Variants in DNAJB4 observed in about 807,000 individuals in gnomAD.
DNAJB4 encodes the protein DnaJ heat shock protein family (Hsp40) member B4, also known as dnaJ homolog subfamily B member 4.
A neutral mutation model predicts 26.6 loss-of-function variants in DNAJB4; 10 were observed. That is an observed-to-expected ratio of 0.38 (90% CI 0.23 to 0.64). DNAJB4 has a LOEUF of 0.64. Among genes scored for constraint, DNAJB4 ranks in the 30% least tolerant of loss-of-function variants. The probability of loss-of-function intolerance (pLI) is 0.58; values close to 1 mark genes in which losing one functional copy is unlikely to be tolerated. For synonymous variants in DNAJB4, 136 were observed against 134.8 expected (o/e 1.01, Z -0.06); for missense variants, 328 against 408.2 (o/e 0.80, Z 1.69).
chr1:78,016,199 ATCT>A lies in DNAJB4; in HGVS notation c.972_974del (p.Ser326del), dbSNP rs773938025. On this transcript the variant is annotated inframe_deletion, in exon 3 of 3. Coordinates refer to ENST00000370763, the MANE Select transcript of DNAJB4 (RefSeq NM_007034.5). ...TTGAGGTGTCCTTCCCAGATACTAT[ATCT>A]TCTTCATCCAAAGAAGTACTTAGGA... 1.2e-6 allele frequency: 2 copies of A among 1,614,154 alleles called. No homozygotes were observed. The highest frequency in any genetic ancestry group is 1.7e-5 in the Admixed American group (1 of 60,022).
At chr1:77,993,898 A>G (rs981865512) in intron 1 of DNAJB4, among the ~76,000 whole-genome samples, 4 of 152,324 alleles carry the variant, frequency 2.6e-5, no homozygotes, top group Admixed American at 2.0e-4. Context: ...TAGGTAGTCA[A>G]TGGCTGAATT....
intron 1 of DNAJB4, among the ~76,000 whole-genome samples, chr1:77,991,498 C>T (rs902311405): frequency 1.3e-5 from 2 of 152,072 alleles, no homozygotes; most frequent in African/African-American, 4.8e-5. Context: ...TGTAATCCCA[C>T]CACCTTGGGA....
intron 1 of DNAJB4, among the ~76,000 whole-genome samples, chr1:77,988,502 A>G (rs891735506): frequency 2.6e-5 from 4 of 151,888 alleles, no homozygotes; most frequent in Admixed American, 1.3e-4. Context: ...CCATCTTTCA[A>G]CCCCTTCACC....
chr1:78,013,983 AAAT>A (rs1345183199), intron 2 of DNAJB4, among the ~76,000 whole-genome samples: 2 of 152,200 alleles, frequency 1.3e-5, no homozygotes, highest in East Asian at 1.9e-4. Context: ...GATTAGAAGA[AAAT>A]AATTTATAAT....
At chr1:77,985,068 A>C (rs77589019) in intron 1 of DNAJB4, among the ~76,000 whole-genome samples, 7,193 of 152,020 alleles carry the variant, frequency 0.047, 226 homozygotes, top group East Asian at 0.11. Flanking sequence ...TACAAGAGGA[A>C]GAAGAATCTG....
intron 1 of DNAJB4, among the ~76,000 whole-genome samples, chr1:77,992,268 C>T (rs1489905570): frequency 6.6e-6 from 1 of 150,778 alleles, no homozygotes; most frequent in Non-Finnish European, 1.5e-5. Context: ...AAAAAATTAG[C>T]CGGGCGTAGT....
chr1:78,017,446 ATTC>A lies in DNAJB4; in HGVS notation c.*1202_*1204del, dbSNP rs1320955012. On this transcript the variant is annotated 3_prime_UTR_variant, in exon 3 of 3. Transcript: ENST00000370763. ...ATCGCCTTTTAGTAGAATATGAAAT[ATTC>A]TTTTAGAAATCCAATATAAATAGGT... 6.6e-6 allele frequency: 1 copy of A among 152,008 alleles called. No homozygotes were observed. Among genetic ancestry groups the A allele is most frequent in the Non-Finnish European group, 1.5e-5 (1 of 67,912 alleles). 9.4% of individuals were successfully genotyped at this position (152,008 alleles called of 1,614,324 possible). A position where few individuals can be genotyped will look rare whatever the true frequency, so the allele number is the denominator to read the frequency against.
intron 1 of DNAJB4, among the ~76,000 whole-genome samples, chr1:78,009,624 A>G (rs1660416846): frequency 6.6e-6 from 1 of 152,254 alleles, no homozygotes; most frequent in African/African-American, 2.4e-5. Context: ...TTAATGTGAC[A>G]TTACTTATAA....
At chr1:77,984,387 G>A (rs1383916249) in intron 1 of DNAJB4, among the ~76,000 whole-genome samples, 1 of 152,172 alleles carries the variant, frequency 6.6e-6, no homozygotes, top group Non-Finnish European at 1.5e-5. Flanking sequence ...GCATCATCAA[G>A]AGTGCTTTTT....
intron 2 of DNAJB4, among the ~76,000 whole-genome samples, chr1:78,014,812 G>A (rs961911067): frequency 1.3e-5 from 2 of 151,966 alleles, no homozygotes; most frequent in Non-Finnish European, 2.9e-5. Context: ...TGTTGGCCAG[G>A]CTCGTCTTGA....
upstream of DNAJB4, among the ~76,000 whole-genome samples, chr1:78,002,382 T>C (rs1023595729): frequency 6.6e-6 from 1 of 152,160 alleles, no homozygotes; most frequent in African/African-American, 2.4e-5. Flanking sequence ...AACTCCTAGG[T>C]AGTAGAGAAG....
chr1:77,992,276 A>G (rs796179381), intron 1 of DNAJB4, among the ~76,000 whole-genome samples: 13 of 150,782 alleles, frequency 8.6e-5, no homozygotes, highest in African/African-American at 2.9e-4. Flanking sequence ...AGCCGGGCGT[A>G]GTGGCGGGCA....
intron 1 of DNAJB4, among the ~76,000 whole-genome samples, chr1:77,997,467 C>T (rs900623553): frequency 4.7e-4 from 71 of 151,908 alleles, no homozygotes; most frequent in African/African-American, 1.7e-3. Context: ...GTGACAATGC[C>T]ACTGCACTCC....
chr1:78,005,597 A>G (rs539153468), intron 1 of DNAJB4, among the ~76,000 whole-genome samples: 2 of 152,156 alleles, frequency 1.3e-5, no homozygotes, highest in Non-Finnish European at 2.9e-5. Flanking sequence ...TAGACTTACA[A>G]TGTTAACAAT....
At chr1:77,991,364 C>T (rs72685374) in intron 1 of DNAJB4, among the ~76,000 whole-genome samples, 4,121 of 152,160 alleles carry the variant, frequency 0.027, 100 homozygotes, top group South Asian at 0.11. Flanking sequence ...GCCTACTCAC[C>T]GAAATGTATT....
chr1:78,015,349 TG>T (rs1660605492), intron 2 of DNAJB4, among the ~76,000 whole-genome samples: 1 of 152,220 alleles, frequency 6.6e-6, no homozygotes, highest in South Asian at 2.1e-4. Flanking sequence ...TTCCAATCCC[TG>T]CATCTTGAAT....
At chr1:78,014,298 G>A (rs1660576108) in intron 2 of DNAJB4, among the ~76,000 whole-genome samples, 1 of 151,834 alleles carries the variant, frequency 6.6e-6, no homozygotes, top group African/African-American at 2.4e-5. Flanking sequence ...AGTAGACACA[G>A]GGTTTTACCA....
chr1:78,011,400 CG>C (rs1276152199), intron 1 of DNAJB4, among the ~76,000 whole-genome samples: 1 of 151,758 alleles, frequency 6.6e-6, no homozygotes, highest in Non-Finnish European at 1.5e-5. Context: ...GAATGACAAT[CG>C]TAGTGTCTAA....
At chr1:78,009,771 G>A (rs1009585705) in intron 1 of DNAJB4, among the ~76,000 whole-genome samples, 6 of 151,898 alleles carry the variant, frequency 4.0e-5, no homozygotes, top group Non-Finnish European at 7.4e-5. Flanking sequence ...GATTACAGGC[G>A]TGCGCCACCA....
Sources: allele counts gnomAD v4.1 joint callset (sites outside exome capture counted in the v4.1 genomes callset), GRCh38; gene constraint gnomAD v4.1.1; transcripts MANE v1.5; gene names NCBI Gene and HGNC (gene_info 2026-07-23, HGNC 2026-07-21).